Variants in PTPN3 observed in about 807,000 individuals in gnomAD.
PTPN3 encodes the protein protein tyrosine phosphatase non-receptor type 3.
A neutral mutation model predicts 132.7 loss-of-function variants in PTPN3; 96 were observed. The ratio of observed to expected loss-of-function variants is 0.72; its 90% CI spans 0.61 to 0.86. PTPN3 has a LOEUF of 0.86. PTPN3 is among the 40% of genes least tolerant of loss of function. The pLI is 0.00. For synonymous variants in PTPN3, 398 were observed against 429.0 expected (o/e 0.93, Z 0.89); for missense variants, 1,125 against 1,159.6 (o/e 0.97, Z 0.43).
At chr9:109,441,190 A>G (rs1757875854) in intron 7 of PTPN3, among the ~76,000 whole-genome samples, 1 of 152,242 alleles carries the variant, frequency 6.6e-6, no homozygotes, top group South Asian at 2.1e-4. Flanking sequence ...AGAAAGCAAC[A>G]CATGCAAAAG....
At position 109,412,467 on chromosome 9, in the gene PTPN3, G is replaced by A. The variant is rs541135951; in HGVS notation, c.1314-2052C>T. On this transcript the variant is annotated intron_variant, in intron 14 of 25. Transcript: ENST00000374541. ...CGGCTCACTGCAACCTCCGCCTCCC[G>A]GGTTCAAATGATTCTCCAACCTCAG... Among the ~76,000 whole-genome samples the A allele has an allele frequency of 7.2e-5, 11 of 151,728 alleles. No homozygotes were observed. In the South Asian group the frequency reaches 2.3e-3, roughly 32 times the overall value.
rs1343978004 is a variant in PTPN3, at chr9:109,393,084, A to G, written c.1954-1523T>C. 4.6e-5 allele frequency: 7 copies of G among 152,254 alleles called. 1 individual carries two copies. The highest frequency in any genetic ancestry group is 4.6e-4 in the Admixed American group (7 of 15,288). 9.4% of individuals were successfully genotyped at this position (152,254 alleles called of 1,614,324 possible). A position where few individuals can be genotyped will look rare whatever the true frequency, so the allele number is the denominator to read the frequency against. ...TGCATACATTTGTTAAATTCTGATCAGCTAAACATATCTCAAGCTAATTTG... is the reference window on the plus strand; with the variant it reads ...TGCATACATTTGTTAAATTCTGATCGGCTAAACATATCTCAAGCTAATTTG... On this transcript the variant is annotated intron_variant, in intron 19 of 25. Coordinates refer to ENST00000374541, the MANE Select transcript of PTPN3 (RefSeq NM_002829.4).
At chr9:109,430,058 A>T (rs3793532) in intron 10 of PTPN3, among the ~76,000 whole-genome samples, 5 of 152,020 alleles carry the variant, frequency 3.3e-5, no homozygotes, top group Non-Finnish European at 7.4e-5. Context: ...GTAACTGTGA[A>T]GTAAATTTTT....
chr9:109,520,094 G>A, the PTPN3 span, among the ~76,000 whole-genome samples: 1 of 151,432 alleles, frequency 6.6e-6, no homozygotes, highest in African/African-American at 2.4e-5. Context: ...AGGAGGTGGA[G>A]CTTGCAGTGA....
At position 109,410,313 on chromosome 9, in the gene PTPN3, G is replaced by C. The variant is rs764801671; in HGVS notation, c.1416C>G (p.Gly472=). 4 of 1,614,024 alleles carry C rather than the reference G, an allele frequency of 2.5e-6. No homozygotes were observed. Among genetic ancestry groups the C allele is most frequent in the Non-Finnish European group, 3.4e-6 (4 of 1,180,036 alleles). Residue 472 remains glycine (G), a synonymous_variant, in exon 15 of 26, where the codon GGC becomes GGG. Transcript: ENST00000374541. ...SNAPGSCSPD[G]VDQQLLDDFH... is the part of the protein sequence containing the mutation. ...AGTCATCTAAGAGCTGCTGATCAAC[G>C]CCGTCAGGTGAGCAGGAGCCTGGAG...
rs1460195840 is a variant in PTPN3, at chr9:109,404,504, A to C, written c.1897T>G (p.Ser633Ala). 1 of 1,555,088 alleles carries C rather than the reference A, an allele frequency of 6.4e-7. No individual in the cohort carries two copies. Among genetic ancestry groups the C allele is most frequent in the East Asian group, 2.3e-5 (1 of 43,588 alleles). ...AGGCCCTTCTTTAGCTGTGCCATGGATCCCTCCAAAGTGTCCCCACCCTCC... is the reference window on the plus strand; with the variant it reads ...AGGCCCTTCTTTAGCTGTGCCATGGCTCCCTCCAAAGTGTCCCCACCCTCC... Reference protein sequence around the residue: ...CPEGGDTLEGSMAQLKKGLES... With the variant: ...CPEGGDTLEGAMAQLKKGLES... Residue 633 changes from serine (S) to alanine (A), a missense_variant, in exon 19 of 26, where the codon TCC becomes GCC. Ser to Ala is a moderately conservative substitution (Grantham distance 99). Transcript: ENST00000374541.
chr9:109,457,677 A>T (rs958325637), intron 2 of PTPN3, among the ~76,000 whole-genome samples: 4 of 152,174 alleles, frequency 2.6e-5, no homozygotes, highest in African/African-American at 9.7e-5. Flanking sequence ...ATAATGTCTA[A>T]ATCGGAAAAC....
At chr9:109,431,075 C>T (rs779345854) in intron 10 of PTPN3, among the ~76,000 whole-genome samples, 2 of 152,230 alleles carry the variant, frequency 1.3e-5, no homozygotes, top group African/African-American at 2.4e-5. Context: ...CTGGTCTCCC[C>T]GCTGGTCTCT....
chr9:109,486,640 G>A (rs1203990299), intron 1 of PTPN3, among the ~76,000 whole-genome samples: 1 of 152,136 alleles, frequency 6.6e-6, no homozygotes, highest in Non-Finnish European at 1.5e-5. Flanking sequence ...GGAGGGGCCT[G>A]GGGGCACTCA....
At chr9:109,507,702 A>G in the PTPN3 span, among the ~76,000 whole-genome samples, 2 of 152,352 alleles carry the variant, frequency 1.3e-5, no homozygotes, top group South Asian at 2.1e-4. Flanking sequence ...TTCCTAAGGC[A>G]CATCGTCTTC....
At chr9:109,446,758 T>C (rs562324957) in intron 6 of PTPN3, among the ~76,000 whole-genome samples, 9 of 152,260 alleles carry the variant, frequency 5.9e-5, no homozygotes, top group African/African-American at 1.9e-4. Context: ...CTGTTCCAAA[T>C]ACATACTAGG....
chr9:109,413,650 G>C (rs975992013), intron 14 of PTPN3, among the ~76,000 whole-genome samples: 1 of 152,134 alleles, frequency 6.6e-6, no homozygotes, highest in Admixed American at 6.5e-5. Context: ...GGGGAGGAAG[G>C]AGCAGAAGAG....
At chr9:109,385,909 G>A (rs548137182) in intron 22 of PTPN3, among the ~76,000 whole-genome samples, 1 of 152,306 alleles carries the variant, frequency 6.6e-6, no homozygotes, top group Admixed American at 6.5e-5. Context: ...GCTTCAGGAA[G>A]GGAAAGCTGA....
At position 109,384,615 on chromosome 9, in the gene PTPN3, G is replaced by A. The variant is rs554260765; in HGVS notation, c.2254-1064C>T. Among the ~76,000 whole-genome samples the A allele has an allele frequency of 1.7e-4, 26 of 152,282 alleles. 1 individual carries two copies. Among genetic ancestry groups the A allele is most frequent in the African/African-American group, 5.8e-4 (24 of 41,560 alleles). On this transcript the variant is annotated intron_variant, in intron 22 of 25. Transcript: ENST00000374541. ...GCCTCTGGCTTCTAAGCAAACTTCA[G>A]GGCTAGGCTGTCCATCCCATCATAG...
chr9:109,499,495 G>A (rs983913866), upstream of PTPN3, among the ~76,000 whole-genome samples: 12 of 152,170 alleles, frequency 7.9e-5, no homozygotes, highest in African/African-American at 2.4e-4. Flanking sequence ...TAATTCTCAT[G>A]TTGTATTTCC....
chr9:109,500,227 T>A (rs1181488651), upstream of PTPN3, among the ~76,000 whole-genome samples: 1 of 152,236 alleles, frequency 6.6e-6, no homozygotes, highest in Non-Finnish European at 1.5e-5. Context: ...GTCATCCTCA[T>A]GCCAGTTTGC....
intron 14 of PTPN3, among the ~76,000 whole-genome samples, chr9:109,419,464 A>G (rs751521532): frequency 9.2e-5 from 14 of 152,254 alleles, no homozygotes; most frequent in Non-Finnish European, 2.1e-4. Context: ...GGCTTAACAG[A>G]ATAGATACCC....
chr9:109,399,116 G>A lies in PTPN3; in HGVS notation c.1953+5332C>T, dbSNP rs187235070. ...GCTAATGTTGGAGGATAGAGTGAGG[G>A]CTGGGTACACTCAGCAATGGCGAGT... is the stretch of plus-strand genomic sequence containing the variant. On this transcript the variant is annotated intron_variant, in intron 19 of 25. Transcript: ENST00000374541. Among the ~76,000 whole-genome samples the A allele has an allele frequency of 2.4e-3, 373 of 152,268 alleles. 1 individual carries two copies. Among genetic ancestry groups the A allele is most frequent in the Non-Finnish European group, 4.5e-3 (309 of 68,014 alleles).
intron 10 of PTPN3, among the ~76,000 whole-genome samples, chr9:109,432,398 T>C (rs1843726773): frequency 2.6e-5 from 4 of 152,186 alleles, no homozygotes; most frequent in Non-Finnish European, 5.9e-5. Flanking sequence ...TCCTGCCGTC[T>C]ATGGCACTCA....
Sources: allele counts gnomAD v4.1 joint callset (sites outside exome capture counted in the v4.1 genomes callset), GRCh38; gene constraint gnomAD v4.1.1; transcripts MANE v1.5; gene names NCBI Gene and HGNC (gene_info 2026-07-23, HGNC 2026-07-21).